Variants in PFKP observed in about 807,000 individuals in gnomAD.
PFKP encodes the protein phosphofructokinase, platelet.
Under a neutral mutation model 94.3 loss-of-function variants are expected in PFKP, and 101 were observed. The ratio of observed to expected loss-of-function variants is 1.07; its 90% CI spans 0.91 to 1.26. The LOEUF is 1.26. Ranked by LOEUF, PFKP falls within the 50% of genes most tolerant of loss-of-function variation. The pLI, the probability that PFKP is intolerant of heterozygous loss-of-function variation, is 0.00. For missense variants in PFKP, 1,145 were observed against 1,103.3 expected (o/e 1.04, Z -0.53); for synonymous variants, 573 against 432.6 (o/e 1.32, Z -4.03).
intron 3 of PFKP, among the ~76,000 whole-genome samples, chr10:3,100,127 TGCA>T (rs1382107179): frequency 6.6e-6 from 1 of 151,682 alleles, no homozygotes; most frequent in East Asian, 1.9e-4. Flanking sequence ...CCCACTCCTC[TGCA>T]GCCCAGTTAT....
At chr10:3,095,557 A>C (rs892837820) in intron 2 of PFKP, among the ~76,000 whole-genome samples, 4 of 152,246 alleles carry the variant, frequency 2.6e-5, no homozygotes, top group African/African-American at 9.6e-5. Flanking sequence ...ACTTTGGCCA[A>C]AAAACTGAGA....
chr10:3,105,302 G>T lies in PFKP; in HGVS notation c.666-91G>T, dbSNP rs1835425070. The T allele has an allele frequency of 2.3e-6, 3 of 1,303,376 alleles. No individual in the cohort carries two copies. In the Admixed American group the frequency reaches 5.1e-5, roughly 22 times the overall value. 80.7% of individuals were successfully genotyped at this position (1,303,376 alleles called of 1,614,324 possible). A position where few individuals can be genotyped will look rare whatever the true frequency, so the allele number is the denominator to read the frequency against. On this transcript the variant is annotated intron_variant, in intron 6 of 21. Transcript: ENST00000381125. ...CATCCCGCTTCATACCTGGCGTTAG[G>T]TCTGCACGTCTGTCGCTGAGCGGGG...
chr10:3,124,948 A>C (rs556199284), intron 16 of PFKP: 1 of 495,992 alleles, frequency 2.0e-6, no homozygotes, highest in East Asian at 1.5e-4. Context: ...CACGGCCTCC[A>C]GAGCCTCCCT....
chr10:3,125,273 A>G (rs3816703), intron 16 of PFKP: 881,455 of 1,257,966 alleles, frequency 0.7, 309,693 homozygotes, highest in South Asian at 0.73. Flanking sequence ...GTTTCCTCTC[A>G]TTGCTTTTCC....
chr10:3,134,669 G>A (rs1043958778), intron 20 of PFKP, 87 bp downstream of exon 20: 2 of 833,782 alleles, frequency 2.4e-6, no homozygotes, highest in African/African-American at 3.4e-5. Flanking sequence ...GGAGAAGTAG[G>A]GTGCTGGTTC....
In PFKP at chr10:3,116,846, G is replaced by A. The variant is rs1160646253; in HGVS notation, c.1442G>A (p.Arg481His). The change falls in exon 14 of 22, where the codon CGC becomes CAC. Residue 481 changes from arginine (R) to histidine (H), a missense_variant and splice_region_variant. This residue lies in a region of PFKP where 1,119 missense variants were observed against 1,062.8 expected (regional missense o/e 1.05). Coordinates refer to ENST00000381125, the MANE Select transcript of PFKP (RefSeq NM_002627.5). ...GGAGGCTCCATTCTTGGGACAAAAC[G>A]GTAACTTCCAAATCTCAACTCTATG... Reference protein sequence around the residue: ...GQGGSILGTKRVLPGKYLEEI... With the variant: ...GQGGSILGTKHVLPGKYLEEI... 10 of 1,602,772 alleles carry A rather than the reference G, an allele frequency of 6.2e-6. No individual in the cohort carries two copies. Among genetic ancestry groups the A allele is most frequent in the African/African-American group, 4.0e-5 (3 of 74,670 alleles).
chr10:3,106,148 G>C (rs1246569299), intron 7 of PFKP, among the ~76,000 whole-genome samples: 1 of 135,928 alleles, frequency 7.4e-6, no homozygotes, highest in African/African-American at 2.5e-5. Context: ...GCCTCCCCTG[G>C]GAGGGCCGGG....
intron 9 of PFKP, 133 bp from the exon 10 acceptor site, chr10:3,109,222 A>G: frequency 7.6e-6 from 9 of 1,190,464 alleles, no homozygotes; most frequent in Non-Finnish European, 8.5e-6. Context: ...GCTTTGCTCT[A>G]AAGAGTTGGG....
chr10:3,125,160 C>G lies in PFKP; in HGVS notation c.1684-4659C>G, dbSNP rs1564344515. On this transcript the variant is annotated intron_variant, in intron 16 of 21. Transcript: ENST00000381125. ...CCGCCACCAGGAGCTTTGCATCCCC[C>G]TGTGTGTGGTGCCGGCCACGATTAG... is the stretch of plus-strand genomic sequence containing the variant. 4 of 1,350,578 alleles carry G rather than the reference C, an allele frequency of 3.0e-6. No homozygotes were observed. The Admixed American group carries it at 6.0e-5, about 20-fold the overall frequency. 83.7% of individuals were successfully genotyped at this position (1,350,578 alleles called of 1,614,324 possible).
In PFKP at chr10:3,109,481, G is replaced by T. The variant is rs771502138; in HGVS notation, c.1089+1G>T. ...GCCGCTGATGGAGTGCGTGCAGATG[G>T]TGAGTGGGCAGCCCATGGCCAAGGG... is the stretch of plus-strand genomic sequence containing the variant. On this transcript the variant is annotated splice_donor_variant, in intron 10 of 21. Coordinates refer to ENST00000381125, the MANE Select transcript of PFKP (RefSeq NM_002627.5). LOFTEE classifies it high-confidence loss of function. 1 of 1,603,508 alleles carries T rather than the reference G, an allele frequency of 6.2e-7. No individual in the cohort carries two copies. Among genetic ancestry groups the T allele is most frequent in the South Asian group, 1.1e-5 (1 of 90,908 alleles).
At chr10:3,132,324 C>T (rs1838686952) in intron 17 of PFKP, 56 bp from the exon 18 acceptor site, 8 of 1,294,828 alleles carry the variant, frequency 6.2e-6, no homozygotes, top group South Asian at 5.9e-5. Context: ...GTGCCTGGCA[C>T]ACAGTAGGTA....
chr10:3,084,549 A>T (rs1167032170), intron 2 of PFKP, among the ~76,000 whole-genome samples: 2 of 152,070 alleles, frequency 1.3e-5, no homozygotes, highest in African/African-American at 4.8e-5. Flanking sequence ...TAGCATTCCC[A>T]GGCTGTTGTT....
chr10:3,075,135 C>T (rs977426255), intron 1 of PFKP, among the ~76,000 whole-genome samples: 3 of 152,224 alleles, frequency 2.0e-5, no homozygotes, highest in Admixed American at 6.5e-5. Context: ...CTGCTTGTGG[C>T]TTAAGAATGC....
At chr10:3,127,269 G>C (rs1032045062) in intron 16 of PFKP, among the ~76,000 whole-genome samples, 3 of 152,242 alleles carry the variant, frequency 2.0e-5, no homozygotes, top group Non-Finnish European at 4.4e-5. Context: ...CACAGTCGGG[G>C]GCGTGGCTCA....
intron 2 of PFKP, among the ~76,000 whole-genome samples, chr10:3,088,995 A>G (rs1833843191): frequency 6.6e-6 from 1 of 152,028 alleles, no homozygotes. Context: ...GCAATGGCCC[A>G]GTCTTCGCTC....
At chr10:3,132,276 GCTCA>G (rs1194327142) in intron 17 of PFKP, 100 bp from the exon 18 acceptor site, 12 of 788,536 alleles carry the variant, frequency 1.5e-5, no homozygotes, top group South Asian at 4.4e-5. Flanking sequence ...CCTTGGCCAC[GCTCA>G]CTGCCACACT....
chr10:3,115,477 G>T (rs56169532), intron 13 of PFKP, among the ~76,000 whole-genome samples: 2 of 29,020 alleles, frequency 6.9e-5, no homozygotes, highest in East Asian at 0.012. Context: ...CGCCATGGAG[G>T]ACAGGACTGG....
rs1461594561 is a variant in PFKP, at chr10:3,103,962, A to G, written c.620+18A>G. On this transcript the variant is annotated intron_variant, in intron 5 of 21. Coordinates refer to ENST00000381125, the MANE Select transcript of PFKP (RefSeq NM_002627.5). ...GCCCAGAGGTAAAGCGCTCAGAGGA[A>G]CCGGCGGGAGGCCAGTGGGGCCCGA... is the stretch of plus-strand genomic sequence containing the variant. The G allele has an allele frequency of 5.0e-6, 8 of 1,610,890 alleles. No individual in the cohort carries two copies. Among genetic ancestry groups the G allele is most frequent in the East Asian group, 2.2e-5 (1 of 44,804 alleles).
At chr10:3,106,006 T>C (rs1050659568) in intron 7 of PFKP, among the ~76,000 whole-genome samples, 2 of 152,334 alleles carry the variant, frequency 1.3e-5, no homozygotes, top group Admixed American at 6.5e-5. Flanking sequence ...GTGAGGCCTT[T>C]CGGGTGCAGC....
Sources: allele counts gnomAD v4.1 joint callset (sites outside exome capture counted in the v4.1 genomes callset), GRCh38; gene constraint gnomAD v4.1.1; regional missense constraint gnomAD v4.1.1; transcripts MANE v1.5; gene names NCBI Gene and HGNC (gene_info 2026-07-23, HGNC 2026-07-21).